The following KPNA1 variants were observed in gnomAD, a reference collection of about 807,000 sequenced individuals.
The protein encoded by KPNA1 is karyopherin subunit alpha 1.
Under a neutral mutation model 70.5 loss-of-function variants are expected in KPNA1, and 10 were observed. The observed-to-expected ratio is 0.14, with a 90% confidence interval of 0.09 to 0.24. The LOEUF (loss-of-function observed/expected upper bound fraction) is 0.24, where lower values mean the gene tolerates loss of function less well. KPNA1 is among the 10% of genes least tolerant of loss of function. KPNA1 has a pLI of 1.00. For synonymous variants in KPNA1, 192 were observed against 221.9 expected (o/e 0.87, Z 1.20); for missense variants, 397 against 637.9 (o/e 0.62, Z 4.07).
rs763176127 is a variant in KPNA1, at chr3:122,427,183, G to A, written c.1430-11C>T. On this transcript the variant is annotated splice_polypyrimidine_tract_variant and intron_variant, in intron 13 of 13. Coordinates refer to ENST00000344337, the MANE Select transcript of KPNA1 (RefSeq NM_002264.4). The stretch of plus-strand genomic sequence containing the variant: ...CAATTTTATCCAGACCTAAAATGAA[G>A]AATAAAGGAAAATCTTTATTGAAAA... 2.5e-6 allele frequency: 4 copies of A among 1,589,272 alleles called. No individual in the cohort carries two copies. The highest frequency in any genetic ancestry group is 3.4e-6 in the Non-Finnish European group (4 of 1,162,602).
Position 122,422,339 on chromosome 3 carries a change from T to C in KPNA1, c.*4646A>G, listed in dbSNP as rs972077114. On this transcript the variant is annotated 3_prime_UTR_variant, in exon 14 of 14. Coordinates refer to ENST00000344337, the MANE Select transcript of KPNA1 (RefSeq NM_002264.4). ...CATTATTTTACTAAACACAAAATCA[T>C]TTGCACAAAAAAAAAAAAAAAAAAA... The C allele has an allele frequency of 2.3e-5, 3 of 131,776 alleles. No homozygotes were observed. The highest frequency in any genetic ancestry group is 9.3e-5 in the African/African-American group (3 of 32,152). 8.2% of individuals were successfully genotyped at this position (131,776 alleles called of 1,614,324 possible).
intron 11 of KPNA1, among the ~76,000 whole-genome samples, chr3:122,434,728 T>G (rs2075962235): frequency 6.6e-6 from 1 of 152,226 alleles, no homozygotes; most frequent in South Asian, 2.1e-4. Context: ...CCCCTTCATG[T>G]ACTAACACTA....
At chr3:122,453,836 TTC>T (rs750782335) in intron 6 of KPNA1, 32 bp downstream of exon 6, 22 of 1,574,594 alleles carry the variant, frequency 1.4e-5, no homozygotes, top group Non-Finnish European at 1.9e-5. Flanking sequence ...GCCAAAAACT[TTC>T]TTTCACCTGC....
Position 122,445,617 on chromosome 3 carries a change from G to A in KPNA1, c.918-3501C>T, listed in dbSNP as rs1395271643. Among the ~76,000 whole-genome samples, 6 of 152,236 alleles carry A rather than the reference G, an allele frequency of 3.9e-5. No homozygotes were observed. The East Asian group carries it at 5.8e-4, about 15-fold the overall frequency. The stretch of plus-strand genomic sequence containing the variant: ...CTGGGAAGAAACTGCATCAGTTAAC[G>A]GGCAAATTAACCAGCTAACATCATA... On this transcript the variant is annotated intron_variant, in intron 9 of 13. Transcript: ENST00000344337.
chr3:122,453,704 T>C (rs572303534), intron 6 of KPNA1, among the ~76,000 whole-genome samples, 166 bp downstream of exon 6: 1 of 152,168 alleles, frequency 6.6e-6, no homozygotes, highest in South Asian at 2.1e-4. Flanking sequence ...GCCCGGCTAA[T>C]TTTTGTATTT....
At chr3:122,429,059 C>T (rs188547264) in intron 12 of KPNA1, among the ~76,000 whole-genome samples, 4 of 152,114 alleles carry the variant, frequency 2.6e-5, no homozygotes, top group East Asian at 1.9e-4. Context: ...CAGGCTGATC[C>T]GTCATTTTAA....
intron 2 of KPNA1, among the ~76,000 whole-genome samples, chr3:122,468,535 G>A (rs2076406698): frequency 6.6e-6 from 1 of 152,072 alleles, no homozygotes; most frequent in South Asian, 2.1e-4. Context: ...CTTTTACCCA[G>A]TACATGTCCA....
intron 2 of KPNA1, among the ~76,000 whole-genome samples, chr3:122,491,791 A>T (rs2076701000): frequency 9.0e-6 from 1 of 111,360 alleles, no homozygotes; most frequent in African/African-American, 2.9e-5. Flanking sequence ...AATCAATATC[A>T]TTTAATCGTT....
chr3:122,430,515 A>AGT (rs10662409), intron 12 of KPNA1, among the ~76,000 whole-genome samples: 10,579 of 141,392 alleles, frequency 0.075, 792 homozygotes, highest in African/African-American at 0.19. Context: ...CTGTACTACC[A>AGT]GTGTGTGTGT....
intron 3 of KPNA1, among the ~76,000 whole-genome samples, chr3:122,465,039 T>C (rs139512467): frequency 9.2e-5 from 14 of 152,346 alleles, no homozygotes; most frequent in Non-Finnish European, 2.1e-4. Context: ...TATACACACA[T>C]TAAGCAAATA....
intron 2 of KPNA1, among the ~76,000 whole-genome samples, chr3:122,476,861 C>A (rs375868383): frequency 4.2e-3 from 274 of 65,382 alleles, no homozygotes; most frequent in African/African-American, 7.9e-3. Context: ...GGAGGTTCCA[C>A]AAAAAAAAAA....
At chr3:122,442,549 T>A (rs559052503) in intron 9 of KPNA1, among the ~76,000 whole-genome samples, 2 of 152,314 alleles carry the variant, frequency 1.3e-5, no homozygotes, top group South Asian at 4.1e-4. Flanking sequence ...TGAACTAACT[T>A]GAAAATGCAA....
chr3:122,470,680 G>A (rs1284197945), intron 2 of KPNA1, among the ~76,000 whole-genome samples: 1 of 151,968 alleles, frequency 6.6e-6, no homozygotes, highest in Non-Finnish European at 1.5e-5. Context: ...CAGATTTGAG[G>A]TAGTTGTAAA....
At chr3:122,429,221 C>T (rs1486005687) in intron 12 of KPNA1, among the ~76,000 whole-genome samples, 3 of 152,022 alleles carry the variant, frequency 2.0e-5, no homozygotes, top group Non-Finnish European at 2.9e-5. Context: ...GAGGCCAACG[C>T]GGGTGGATCA....
intron 2 of KPNA1, among the ~76,000 whole-genome samples, chr3:122,486,767 T>C (rs1050740378): frequency 6.6e-6 from 1 of 152,110 alleles, no homozygotes; most frequent in African/African-American, 2.4e-5. Context: ...TTTATATTTT[T>C]AGTAGAGTCG....
At chr3:122,473,947 T>A (rs910176588) in intron 2 of KPNA1, among the ~76,000 whole-genome samples, 3 of 152,046 alleles carry the variant, frequency 2.0e-5, no homozygotes, top group African/African-American at 7.3e-5. Context: ...GTCGTCCACA[T>A]GGAGAATTCA....
intron 10 of KPNA1, among the ~76,000 whole-genome samples, chr3:122,439,625 T>C (rs1008254570): frequency 6.6e-6 from 1 of 152,228 alleles, no homozygotes; most frequent in African/African-American, 2.4e-5. Flanking sequence ...AGCAGCTTAT[T>C]ATTTCTAGAG....
In KPNA1 at chr3:122,422,941, TTTA is replaced by T. The variant is rs1424828757; in HGVS notation, c.*4041_*4043del. The T allele has an allele frequency of 1.3e-5, 2 of 152,218 alleles. No homozygotes were observed. The highest frequency in any genetic ancestry group is 2.9e-5 in the Non-Finnish European group (2 of 68,030). The allele number at this position is 152,218 out of a possible 1,614,324, so 9.4% of individuals were successfully genotyped here. ...TCTTACCCCAAGCTTCCAGATGTATTTTATGTCCAGTAGCAATTTGATATTTTA... is the reference window on the plus strand; with the variant it reads ...TCTTACCCCAAGCTTCCAGATGTATTTGTCCAGTAGCAATTTGATATTTTA... On this transcript the variant is annotated 3_prime_UTR_variant, in exon 14 of 14. Transcript: ENST00000344337.
At chr3:122,486,684 T>C (rs552088833) in intron 2 of KPNA1, among the ~76,000 whole-genome samples, 1 of 152,128 alleles carries the variant, frequency 6.6e-6, no homozygotes, top group East Asian at 1.9e-4. Flanking sequence ...ACCTCCCAGG[T>C]TCACGCCATT....
Sources: allele counts gnomAD v4.1 joint callset (sites outside exome capture counted in the v4.1 genomes callset), GRCh38; gene constraint gnomAD v4.1.1; transcripts MANE v1.5; gene names NCBI Gene and HGNC (gene_info 2026-07-23, HGNC 2026-07-21).